Variants in URAD observed in about 807,000 individuals in gnomAD.
The protein encoded by URAD is ureidoimidazoline (2-oxo-4-hydroxy-4-carboxy-5-) decarboxylase.
A neutral mutation model predicts 4.6 loss-of-function variants in URAD; 4 were observed. The ratio of observed to expected loss-of-function variants is 0.87; its 90% confidence interval spans 0.43 to 1.98. The LOEUF is 1.98. Ranked by LOEUF, URAD falls within the 30% of genes most tolerant of loss-of-function variation. The probability of loss-of-function intolerance (pLI) is 0.03; values close to 1 mark genes in which losing one functional copy is unlikely to be tolerated. For synonymous variants in URAD, 144 were observed against 118.2 expected (o/e 1.22, Z -1.41); for missense variants, 300 against 255.3 (o/e 1.18, Z -1.19).
At chr13:27,986,434 G>A (rs919595195) in intron 1 of URAD, among the ~76,000 whole-genome samples, 13 of 152,144 alleles carry the variant, frequency 8.5e-5, no homozygotes, top group African/African-American at 2.9e-4. Flanking sequence ...TATGCTCAGG[G>A]CCCTGACTGG....
Position 27,978,091 on chromosome 13 carries a change from T to G in URAD, c.*15A>C. The G allele has an allele frequency of 6.8e-7, 1 of 1,467,712 alleles. No homozygotes were observed. Among genetic ancestry groups the G allele is most frequent in the Non-Finnish European group, 8.9e-7 (1 of 1,124,488 alleles). The allele number at this position is 1,467,712 out of a possible 1,614,324, so 90.9% of individuals were successfully genotyped here. On this transcript the variant is annotated 3_prime_UTR_variant, in exon 2 of 2. Transcript: ENST00000332715. ...CGTCCGGTTGTGCGTCCCGGGTCCC[T>G]GGCCCGCGCGGCAGCTACAGCTTGG...
rs540872966 is a variant in URAD, at chr13:27,978,665, G to A, written c.176-213C>T. ...TTGGCGCGCCCCTCTAACAAGTCCT[G>A]GACCTTGCGCTTCTCGGTCCCCACT... On this transcript the variant is annotated intron_variant, in intron 1 of 1. Coordinates refer to ENST00000332715, the MANE Select transcript of URAD (RefSeq NM_001105577.2). Among the ~76,000 whole-genome samples the A allele has an allele frequency of 1.3e-4, 20 of 152,292 alleles. No homozygotes were observed. In the South Asian group the frequency reaches 3.9e-3, roughly 30 times the overall value.
At chr13:27,987,131 G>T (rs753337003) in intron 1 of URAD, among the ~76,000 whole-genome samples, 3 of 152,198 alleles carry the variant, frequency 2.0e-5, no homozygotes, top group Admixed American at 6.5e-5. Context: ...GCTGTCAAAG[G>T]CCATCCTGAT....
At chr13:27,987,882 AATAGATAGATG>A (rs1566043674) in intron 1 of URAD, among the ~76,000 whole-genome samples, 1 of 141,378 alleles carries the variant, frequency 7.1e-6, no homozygotes, top group African/African-American at 2.7e-5. Flanking sequence ...ATTAGACTAA[AATAGATAGATG>A]ATAGATAGAT....
rs926751972 is a variant in URAD at position 27,977,957 on chromosome 13, G to C, written c.*149C>G. The C allele has an allele frequency of 3.2e-6, 2 of 630,148 alleles. No homozygotes were observed. The highest frequency in any genetic ancestry group is 8.6e-5 in the Admixed American group (2 of 23,252). The allele number at this position is 630,148 out of a possible 1,614,324, so 39.0% of individuals were successfully genotyped here. A position where few individuals can be genotyped will look rare whatever the true frequency, so the allele number is the denominator to read the frequency against. On this transcript the variant is annotated 3_prime_UTR_variant, in exon 2 of 2. Transcript: ENST00000332715. ...GGGCGGACAAAAGGACTCATTACTC[G>C]TATGATTGCCTCAATTCTCCACTTC...
At chr13:27,984,565 T>C (rs2137559163) in intron 1 of URAD, among the ~76,000 whole-genome samples, 1 of 152,354 alleles carries the variant, frequency 6.6e-6, no homozygotes, top group African/African-American at 2.4e-5. Flanking sequence ...AACAAATACA[T>C]GACTAGGTAG....
chr13:27,986,136 G>A (rs995362616), intron 1 of URAD, among the ~76,000 whole-genome samples: 1 of 152,106 alleles, frequency 6.6e-6, no homozygotes, highest in Middle Eastern at 3.2e-3. Context: ...AACCGTCCAG[G>A]GGGCCCAAAC....
intron 1 of URAD, among the ~76,000 whole-genome samples, chr13:27,987,498 C>T (rs1472639365): frequency 6.6e-6 from 1 of 152,188 alleles, no homozygotes; most frequent in South Asian, 2.1e-4. Context: ...CTCTCCTCGG[C>T]CATCCAGTCC....
chr13:27,984,343 C>A (rs1869957706), intron 1 of URAD, among the ~76,000 whole-genome samples: 1 of 152,366 alleles, frequency 6.6e-6, no homozygotes, highest in East Asian at 1.9e-4. Context: ...TGTCCGTTCT[C>A]TTTCCTAGAA....
chr13:27,984,253 T>A (rs1869955869), intron 1 of URAD, among the ~76,000 whole-genome samples: 1 of 152,202 alleles, frequency 6.6e-6, no homozygotes, highest in African/African-American at 2.4e-5. Context: ...GTTGTATTGC[T>A]CTTTAATTTC....
chr13:27,977,938 A>G lies in URAD; in HGVS notation c.*168T>C, dbSNP rs1452744010. 1.1e-5 allele frequency: 6 copies of G among 559,022 alleles called. No homozygotes were observed. In the East Asian group the frequency reaches 2.1e-4, roughly 20 times the overall value. 34.6% of individuals were successfully genotyped at this position (559,022 alleles called of 1,614,324 possible). ...AACGCGTGCGCGTGTGGGTGGGCGG[A>G]CAAAAGGACTCATTACTCGTATGAT... is the stretch of plus-strand genomic sequence containing the variant. On this transcript the variant is annotated 3_prime_UTR_variant, in exon 2 of 2. Coordinates refer to ENST00000332715, the MANE Select transcript of URAD (RefSeq NM_001105577.2).
At chr13:27,982,311 C>A (rs1869900296) in intron 1 of URAD, among the ~76,000 whole-genome samples, 1 of 152,126 alleles carries the variant, frequency 6.6e-6, no homozygotes, top group Admixed American at 6.5e-5. Context: ...CGCCTATAAT[C>A]CCAGCTACTC....
chr13:27,978,113 T>A lies in URAD; in HGVS notation c.515A>T (p.Lys172Met). Residue 172 changes from lysine to methionine, a missense_variant, in exon 2 of 2, where the codon AAG becomes ATG. Transcript: ENST00000332715. ...CCCTGGCCCGCGCGGCAGCTACAGC[T>A]TGGCGGGGTCTGCGCGGAGGAGGTC... ...LADLLRADPA[K>M]L The A allele has an allele frequency of 6.6e-7, 1 of 1,514,052 alleles. No homozygotes were observed. Among genetic ancestry groups the A allele is most frequent in the South Asian group, 1.3e-5 (1 of 79,982 alleles). 93.8% of individuals were successfully genotyped at this position (1,514,052 alleles called of 1,614,324 possible).
intron 1 of URAD, among the ~76,000 whole-genome samples, chr13:27,980,079 G>T (rs569847295): frequency 2.0e-4 from 31 of 152,206 alleles, no homozygotes; most frequent in African/African-American, 7.0e-4. Flanking sequence ...TGTTTTTTGT[G>T]TGTTTTTTCA....
At chr13:27,987,893 G>GATAC (rs1555247017) in intron 1 of URAD, among the ~76,000 whole-genome samples, 1 of 2,322 alleles carries the variant, frequency 4.3e-4, no homozygotes, top group African/African-American at 1.9e-3. Flanking sequence ...ATAGATAGAT[G>GATAC]ATAGATAGAT....
At chr13:27,978,554 C>T in intron 1 of URAD, 102 bp from the exon 2 acceptor site, 3 of 873,556 alleles carry the variant, frequency 3.4e-6, no homozygotes, top group Non-Finnish European at 3.0e-6. Context: ...CCCTGCCCCG[C>T]CCCGCCCCGC....
intron 1 of URAD, among the ~76,000 whole-genome samples, chr13:27,984,391 G>A (rs2137559003): frequency 6.6e-6 from 1 of 152,256 alleles, no homozygotes; most frequent in African/African-American, 2.4e-5. Flanking sequence ...GAACTGATTG[G>A]CTGGAGAAGG....
intron 1 of URAD, among the ~76,000 whole-genome samples, chr13:27,980,750 G>A (rs2137555813): frequency 6.6e-6 from 1 of 152,250 alleles, no homozygotes; most frequent in Non-Finnish European, 1.5e-5. Context: ...AGAGGGAGGC[G>A]GCGGCGGCGT....
intron 1 of URAD, among the ~76,000 whole-genome samples, chr13:27,979,219 T>C (rs1211219257): frequency 6.6e-6 from 1 of 152,138 alleles, no homozygotes; most frequent in Admixed American, 6.5e-5. Context: ...CCGGGACTTA[T>C]TCCCCTTCTC....
Sources: allele counts gnomAD v4.1 joint callset (sites outside exome capture counted in the v4.1 genomes callset), GRCh38; gene constraint gnomAD v4.1.1; transcripts MANE v1.5; gene names NCBI Gene and HGNC (gene_info 2026-07-23, HGNC 2026-07-21).